The following CNTLN variants were observed in gnomAD, a reference collection of about 807,000 sequenced individuals.
CNTLN encodes centlein.
CNTLN carries 212 observed loss-of-function variants against 180.0 expected under a neutral mutation model. The observed-to-expected ratio is 1.18, with a 90% CI of 1.05 to 1.32. CNTLN has a LOEUF of 1.32. Among genes scored for constraint, CNTLN ranks in the 40% most tolerant of loss-of-function variants. The pLI, the probability that CNTLN is intolerant of heterozygous loss-of-function variation, is 0.00. For synonymous variants in CNTLN, 722 were observed against 563.1 expected, an observed-to-expected ratio of 1.28 and a Z score of -3.99; for missense variants, 2,095 against 1,610.9, an observed-to-expected ratio of 1.30 and a Z score of -5.14.
At chr9:17,228,360 G>A (rs1479205747) in intron 3 of CNTLN, among the ~76,000 whole-genome samples, 1 of 151,862 alleles carries the variant, frequency 6.6e-6, no homozygotes, top group Non-Finnish European at 1.5e-5. Flanking sequence ...TCTCATAATA[G>A]AAATTATTTG....
At chr9:17,137,205 A>G (rs930879004) in intron 1 of CNTLN, among the ~76,000 whole-genome samples, 6 of 152,222 alleles carry the variant, frequency 3.9e-5, no homozygotes, top group East Asian at 1.9e-4. Context: ...TGGTCATAAT[A>G]GTCTAGAATG....
chr9:17,172,202 T>C (rs2779767), intron 2 of CNTLN, among the ~76,000 whole-genome samples: 40,576 of 151,914 alleles, frequency 0.27, 6,954 homozygotes, highest in African/African-American at 0.49. Flanking sequence ...TGCTGGAGTT[T>C]GTACCTATGA....
At chr9:17,245,324 GT>G (rs796451140) in intron 5 of CNTLN, among the ~76,000 whole-genome samples, 2,860 of 146,162 alleles carry the variant, frequency 0.02, 84 homozygotes, top group African/African-American at 0.067. Context: ...TATGTTAAAA[GT>G]TTTTTTTTTT....
intron 18 of CNTLN, among the ~76,000 whole-genome samples, chr9:17,444,720 G>A (rs1830304076): frequency 6.6e-6 from 1 of 152,128 alleles, no homozygotes; most frequent in African/African-American, 2.4e-5. Context: ...TGAGAGTCAG[G>A]TATTTATTTG....
chr9:17,259,760 C>A (rs878917124), intron 5 of CNTLN, among the ~76,000 whole-genome samples: 6 of 149,238 alleles, frequency 4.0e-5, no homozygotes, highest in African/African-American at 1.5e-4. Flanking sequence ...AGTTTATTTG[C>A]GTAGAGGTGT....
At chr9:17,433,722 GGT>G (rs993381208) in intron 18 of CNTLN, among the ~76,000 whole-genome samples, 29 of 152,066 alleles carry the variant, frequency 1.9e-4, no homozygotes, top group African/African-American at 7.0e-4. Context: ...CAAACTGCTG[GGT>G]GTGTGTCACC....
intron 5 of CNTLN, among the ~76,000 whole-genome samples, chr9:17,258,551 C>G (rs1236059923): frequency 6.6e-6 from 1 of 150,634 alleles, no homozygotes; most frequent in Non-Finnish European, 1.5e-5. Context: ...GGCATTGAAT[C>G]TGTAAATTAC....
intron 18 of CNTLN, among the ~76,000 whole-genome samples, chr9:17,456,807 G>A (rs1831148769): frequency 6.6e-6 from 1 of 152,098 alleles, no homozygotes; most frequent in Non-Finnish European, 1.5e-5. Context: ...GCTCACTATA[G>A]ATGGGTGAAT....
At chr9:17,486,865 T>A in intron 24 of CNTLN, 124 bp from the exon 25 acceptor site, 1 of 585,560 alleles carries the variant, frequency 1.7e-6, no homozygotes, top group Non-Finnish European at 3.0e-6. Context: ...TACTTTGAGA[T>A]GACAGACTGT....
At chr9:17,226,176 A>G in intron 2 of CNTLN, 27 bp from the exon 3 acceptor site, 2 of 1,243,544 alleles carry the variant, frequency 1.6e-6, no homozygotes, top group Non-Finnish European at 2.3e-6. Context: ...AGTTATGACT[A>G]ATAAACTCTC....
intron 5 of CNTLN, among the ~76,000 whole-genome samples, chr9:17,239,799 G>T (rs925999897): frequency 7.2e-5 from 11 of 152,012 alleles, no homozygotes; most frequent in African/African-American, 2.7e-4. Context: ...GTTCATTTTT[G>T]GACCTCAGTT....
At chr9:17,341,917 G>T (rs1408016484) in intron 11 of CNTLN, among the ~76,000 whole-genome samples, 2 of 152,044 alleles carry the variant, frequency 1.3e-5, no homozygotes, top group Non-Finnish European at 2.9e-5. Flanking sequence ...CATATTCACT[G>T]GTAATAGTTT....
At chr9:17,201,799 A>T (rs1317532261) in intron 2 of CNTLN, among the ~76,000 whole-genome samples, 1 of 150,634 alleles carries the variant, frequency 6.6e-6, no homozygotes, top group East Asian at 2.0e-4. Context: ...GGATTCATTG[A>T]TTTTTTTTTA....
At chr9:17,242,177 T>G (rs1825533823) in intron 5 of CNTLN, among the ~76,000 whole-genome samples, 1 of 152,248 alleles carries the variant, frequency 6.6e-6, no homozygotes, top group Non-Finnish European at 1.5e-5. Flanking sequence ...GCTTCTGGGC[T>G]GTCATTTATG....
chr9:17,159,711 A>G (rs1454992646), intron 2 of CNTLN, among the ~76,000 whole-genome samples: 1 of 151,934 alleles, frequency 6.6e-6, no homozygotes, highest in Non-Finnish European at 1.5e-5. Flanking sequence ...TCTTGGCTGC[A>G]GCTGTCTGGA....
In CNTLN at chr9:17,382,909, C is replaced by G. The variant is rs566876254; in HGVS notation, c.1988-5253C>G. 3.7e-4 allele frequency among the ~76,000 whole-genome samples: 57 copies of G among 152,204 alleles called. 1 individual carries two copies. In the South Asian group the frequency reaches 6.9e-3, roughly 18 times the overall value. On this transcript the variant is annotated intron_variant, in intron 13 of 25. Coordinates refer to ENST00000380647, the MANE Select transcript of CNTLN (RefSeq NM_017738.4). ...TATGTTTAGCATTATTTTTTCCTCCCTGGAACTGAAAAATCAGCAAAATAA... is the reference window on the plus strand; with the variant it reads ...TATGTTTAGCATTATTTTTTCCTCCGTGGAACTGAAAAATCAGCAAAATAA...
At chr9:17,239,837 T>A (rs1825380393) in intron 5 of CNTLN, among the ~76,000 whole-genome samples, 3 of 152,338 alleles carry the variant, frequency 2.0e-5, no homozygotes, top group African/African-American at 7.2e-5. Context: ...ACATCTGCCC[T>A]CCTGTCTATG....
At chr9:17,182,585 G>T (rs887143092) in intron 2 of CNTLN, among the ~76,000 whole-genome samples, 1 of 152,178 alleles carries the variant, frequency 6.6e-6, no homozygotes, top group Non-Finnish European at 1.5e-5. Context: ...ATTGTATTTG[G>T]TGAGTTAATT....
intron 12 of CNTLN, among the ~76,000 whole-genome samples, chr9:17,354,173 C>T (rs566725298): frequency 1.2e-4 from 19 of 152,308 alleles, no homozygotes; most frequent in African/African-American, 3.8e-4. Flanking sequence ...GCCTTCCCGC[C>T]GGGCAGGGCT....
Sources: gnomAD v4.1 joint callset for allele counts (sites outside exome capture counted in the v4.1 genomes callset) on GRCh38, gnomAD v4.1.1 for gene constraint, MANE v1.5 for transcripts, NCBI Gene and HGNC (gene_info 2026-07-23, HGNC 2026-07-21) for gene names.